ARHGEF3: variants seen among roughly 807,000 people sequenced by gnomAD.
The protein encoded by ARHGEF3 is 59.8 kDA protein.
In ARHGEF3, 28 loss-of-function variants were observed where a neutral mutation model predicts 63.2. That is an observed-to-expected ratio of 0.44 (90% CI 0.33 to 0.61). The LOEUF (loss-of-function observed/expected upper bound fraction) is 0.61, where lower values mean the gene tolerates loss of function less well. Ranked by LOEUF, ARHGEF3 falls within the 20% of genes least tolerant of loss-of-function variation. The pLI is 0.03. For synonymous variants in ARHGEF3, 266 were observed against 254.2 expected, an observed-to-expected ratio of 1.05 and a Z score of -0.44; for missense variants, 533 against 659.3, an observed-to-expected ratio of 0.81 and a Z score of 2.10.
chr3:57,009,947 C>T (rs1013017605), intron 2 of ARHGEF3, among the ~76,000 whole-genome samples: 6 of 152,162 alleles, frequency 3.9e-5, no homozygotes, highest in African/African-American at 1.2e-4. Flanking sequence ...GATGATGAAA[C>T]AGAGGCACAG....
In ARHGEF3 at chr3:57,042,109, C is replaced by G. The variant is rs571038157; in HGVS notation, c.-27-6933G>C. 3.9e-5 allele frequency among the ~76,000 whole-genome samples: 6 copies of G among 152,300 alleles called. No individual in the cohort carries two copies. The South Asian group carries it at 1.2e-3, about 32-fold the overall frequency. On this transcript the variant is annotated intron_variant, in intron 1 of 12. Transcript: ENST00000338458. ...TTGTTTCCAAGCATCCACTATCACC[C>G]TGAGTCCACCCACGCATGGTCTTGA...
chr3:56,890,258 C>T (rs554988497), intron 3 of ARHGEF3, among the ~76,000 whole-genome samples: 8 of 152,144 alleles, frequency 5.3e-5, no homozygotes, highest in Non-Finnish European at 1.2e-4. Context: ...TTCATTCACT[C>T]AACAAATATT....
At chr3:57,003,537 A>C (rs910386441) in intron 2 of ARHGEF3, among the ~76,000 whole-genome samples, 2 of 151,974 alleles carry the variant, frequency 1.3e-5, no homozygotes, top group Non-Finnish European at 2.9e-5. Context: ...GTATGAGTCC[A>C]TGTGGTGGGC....
intron 1 of ARHGEF3, among the ~76,000 whole-genome samples, chr3:56,793,216 CTGGAGTGCAG>C (rs1216527328): frequency 4.7e-5 from 7 of 149,328 alleles, no homozygotes; most frequent in South Asian, 2.1e-4. Flanking sequence ...GTCGCCCAGG[CTGGAGTGCAG>C]TGGCGCAATC....
chr3:56,780,745 C>T (rs1466318243), intron 1 of ARHGEF3, among the ~76,000 whole-genome samples: 2 of 152,182 alleles, frequency 1.3e-5, no homozygotes, highest in East Asian at 3.8e-4. Flanking sequence ...CTTACGTTCT[C>T]TCACGATTAA....
chr3:57,067,454 AAATAATAATAAT>A (rs10528636), intron 1 of ARHGEF3, among the ~76,000 whole-genome samples: 8 of 140,450 alleles, frequency 5.7e-5, no homozygotes, highest in African/African-American at 1.6e-4. Flanking sequence ...CTCTGTCTCA[AAATAATAATAAT>A]AATAATAATA....
At chr3:56,768,105 G>A (rs1208341111) in intron 2 of ARHGEF3, among the ~76,000 whole-genome samples, 1 of 152,076 alleles carries the variant, frequency 6.6e-6, no homozygotes, top group East Asian at 1.9e-4. Flanking sequence ...CACCCAGGCT[G>A]GAGTACAGTG....
chr3:56,807,556 A>G (rs1288943225), intron 4 of ARHGEF3, among the ~76,000 whole-genome samples: 1 of 152,052 alleles, frequency 6.6e-6, no homozygotes, highest in Non-Finnish European at 1.5e-5. Flanking sequence ...TGGTGGGCAC[A>G]TGAGTGTTGC....
At position 56,729,045 on chromosome 3, in the gene ARHGEF3, A is replaced by C. The variant is rs1178635033; in HGVS notation, c.*225T>G. ...TGAGTACCTCTCCATCCATCCAGAC[A>C]CTTGGGAAATACAACACAGGGTAAT... On this transcript the variant is annotated 3_prime_UTR_variant, in exon 10 of 10. Transcript: ENST00000296315. 4.1e-6 allele frequency: 2 copies of C among 488,668 alleles called. No individual in the cohort carries two copies. The highest frequency in any genetic ancestry group is 7.2e-6 in the Non-Finnish European group (2 of 278,188). The allele number at this position is 488,668 out of a possible 1,614,324, so 30.3% of individuals were successfully genotyped here.
chr3:56,868,025 T>G (rs1218276217), intron 4 of ARHGEF3, among the ~76,000 whole-genome samples: 2 of 152,148 alleles, frequency 1.3e-5, no homozygotes, highest in Non-Finnish European at 2.9e-5. Context: ...AGGCATTTTG[T>G]TAAATACTTC....
At chr3:56,941,367 C>T (rs1699175641) in intron 3 of ARHGEF3, among the ~76,000 whole-genome samples, 1 of 152,216 alleles carries the variant, frequency 6.6e-6, no homozygotes, top group African/African-American at 2.4e-5. Context: ...GCCAACACAT[C>T]TGGCTAATTT....
At chr3:56,774,065 TC>T (rs1332464330) in intron 1 of ARHGEF3, among the ~76,000 whole-genome samples, 7 of 152,146 alleles carry the variant, frequency 4.6e-5, no homozygotes, top group African/African-American at 1.7e-4. Flanking sequence ...AGGGATCTGC[TC>T]CTTATCCCTC....
intron 1 of ARHGEF3, among the ~76,000 whole-genome samples, chr3:56,784,262 C>A (rs1408244335): frequency 2.6e-5 from 4 of 152,224 alleles, no homozygotes; most frequent in Non-Finnish European, 5.9e-5. Flanking sequence ...GAAGGCCAGC[C>A]ATGGGCCCGG....
intron 2 of ARHGEF3, among the ~76,000 whole-genome samples, chr3:56,761,084 C>A (rs1559914244): frequency 6.6e-6 from 1 of 151,992 alleles, no homozygotes; most frequent in African/African-American, 2.4e-5. Context: ...CCAGCCTGGG[C>A]AATGTAGCAA....
chr3:56,751,178 G>T, intron 5 of ARHGEF3, 46 bp from the exon 6 acceptor site: 2 of 1,594,708 alleles, frequency 1.3e-6, no homozygotes, highest in South Asian at 2.2e-5. Context: ...ATTCAAATAT[G>T]AACAGGGCTG....
In ARHGEF3 at chr3:56,814,611, A is replaced by G. The variant is rs141347889; in HGVS notation, c.193-40795T>C. Among the ~76,000 whole-genome samples the G allele has an allele frequency of 5.9e-5, 9 of 152,350 alleles. No individual in the cohort carries two copies. In the East Asian group the frequency reaches 1.7e-3, roughly 29 times the overall value. ...ATGTATGTCAGATTTCTAAGCATAC[A>G]GTTAGCACGTCATGCTATTATTAAC... On this transcript the variant is annotated intron_variant, in intron 4 of 12. Transcript: ENST00000338458.
At chr3:56,759,420 TG>T (rs1164108752) in intron 2 of ARHGEF3, among the ~76,000 whole-genome samples, 2 of 152,152 alleles carry the variant, frequency 1.3e-5, no homozygotes, top group African/African-American at 4.8e-5. Context: ...CCGCCTGCCT[TG>T]GCCTCCCGAA....
intron 1 of ARHGEF3, among the ~76,000 whole-genome samples, chr3:57,066,434 T>C (rs1705541636): frequency 6.6e-6 from 1 of 152,176 alleles, no homozygotes; most frequent in African/African-American, 2.4e-5. Flanking sequence ...GCTTAATTTT[T>C]GTATTTTTAG....
intron 4 of ARHGEF3, among the ~76,000 whole-genome samples, chr3:56,844,246 C>G (rs2039411015): frequency 1.3e-5 from 2 of 152,140 alleles, no homozygotes; most frequent in Non-Finnish European, 2.9e-5. Context: ...GATACTGCAC[C>G]CTGTGGATTT....
Sources: allele counts gnomAD v4.1 joint callset (sites outside exome capture counted in the v4.1 genomes callset), GRCh38; gene constraint gnomAD v4.1.1; transcripts MANE v1.5; gene names NCBI Gene and HGNC (gene_info 2026-07-23, HGNC 2026-07-21).